The following PITPNC1 variants were observed in gnomAD, a reference collection of about 807,000 sequenced individuals.
PITPNC1 encodes cytoplasmic phosphatidylinositol transfer protein 1.
In PITPNC1, 18 loss-of-function variants were observed where a neutral mutation model predicts 44.7. The ratio of observed to expected loss-of-function variants is 0.40; its 90% CI spans 0.28 to 0.60. PITPNC1 has a LOEUF of 0.60. Among genes scored for constraint, PITPNC1 ranks in the 20% least tolerant of loss-of-function variants. The pLI is 0.39. For synonymous variants in PITPNC1, 141 were observed against 149.6 expected (o/e 0.94, Z 0.42); for missense variants, 290 against 418.4 (o/e 0.69, Z 2.68).
At chr17:67,529,373 G>A (rs1056314765) in intron 1 of PITPNC1, among the ~76,000 whole-genome samples, 2 of 152,206 alleles carry the variant, frequency 1.3e-5, no homozygotes, top group Non-Finnish European at 2.9e-5. Context: ...TAGCTCTTCT[G>A]CCAAGCCCCT....
intron 1 of PITPNC1, among the ~76,000 whole-genome samples, chr17:67,399,395 G>A (rs999873542): frequency 2.0e-5 from 3 of 152,080 alleles, no homozygotes; most frequent in Admixed American, 1.3e-4. Context: ...CAAGGCTCTC[G>A]TCTCCTTTGA....
chr17:67,655,554 ATC>A (rs2042254759), intron 6 of PITPNC1, among the ~76,000 whole-genome samples: 1 of 93,894 alleles, frequency 1.1e-5, no homozygotes. Flanking sequence ...AGAGAGACTC[ATC>A]TCAAAAAAAA....
At chr17:67,509,707 C>T (rs1409498434) in intron 1 of PITPNC1, among the ~76,000 whole-genome samples, 2 of 152,106 alleles carry the variant, frequency 1.3e-5, no homozygotes, top group African/African-American at 2.4e-5. Flanking sequence ...ATATCACATC[C>T]TTTCCATGTT....
At chr17:67,627,663 G>A (rs1202346867) in intron 5 of PITPNC1, among the ~76,000 whole-genome samples, 1 of 152,158 alleles carries the variant, frequency 6.6e-6, no homozygotes, top group Non-Finnish European at 1.5e-5. Context: ...CTTAGCGGTT[G>A]GATGCTAAGA....
intron 1 of PITPNC1, among the ~76,000 whole-genome samples, chr17:67,383,717 C>T (rs941310406): frequency 1.3e-5 from 2 of 152,190 alleles, no homozygotes; most frequent in African/African-American, 4.8e-5. Flanking sequence ...AGGCAGGAAT[C>T]CTTTTGTTTT....
chr17:67,425,280 GAAA>G (rs1323307135), intron 1 of PITPNC1, among the ~76,000 whole-genome samples: 2 of 145,872 alleles, frequency 1.4e-5, no homozygotes, highest in African/African-American at 2.5e-5. Context: ...GAGAGAGAGA[GAAA>G]TGACCTCTCT....
rs1491586865 is a variant in PITPNC1 at position 67,579,642 on chromosome 17, T to TTTC, written c.366+1385_366+1386insTTC. Among the ~76,000 whole-genome samples, 137 of 119,368 alleles carry TTTC rather than the reference T, an allele frequency of 1.1e-3. 2 individuals are homozygous for TTTC. Among genetic ancestry groups the TTTC allele is most frequent in the African/African-American group, 4.9e-3 (132 of 26,970 alleles). 78.3% of individuals were successfully genotyped at this position (119,368 alleles called of 152,430 possible). On this transcript the variant is annotated intron_variant, in intron 5 of 8. Coordinates refer to ENST00000581322, the MANE Select transcript of PITPNC1 (RefSeq NM_012417.4). ...TTTTTTTTTTTTTTTTTTTTTTTTT[T>TTTC]CTGATTAGAAAGCAGCCTGGGCGCG...
In PITPNC1 at chr17:67,560,613, T is replaced by C. The variant is rs577150778; in HGVS notation, c.294+6996T>C. On this transcript the variant is annotated intron_variant, in intron 4 of 8. Coordinates refer to ENST00000581322, the MANE Select transcript of PITPNC1 (RefSeq NM_012417.4). ...CTATTCACAGATGTACCGCTGCCCT[T>C]GTGTGGGACCAGAGCTCGCCTCTAC... 1.6e-4 allele frequency among the ~76,000 whole-genome samples: 24 copies of C among 152,310 alleles called. No individual in the cohort carries two copies. In the South Asian group the frequency reaches 4.8e-3, roughly 30 times the overall value.
chr17:67,550,847 G>A (rs959066602), intron 2 of PITPNC1, among the ~76,000 whole-genome samples: 8 of 152,182 alleles, frequency 5.3e-5, no homozygotes, highest in African/African-American at 1.9e-4. Context: ...GGATCATGAG[G>A]TCAGGAGATC....
At chr17:67,608,032 A>T (rs1047783689) in intron 5 of PITPNC1, among the ~76,000 whole-genome samples, 2 of 151,724 alleles carry the variant, frequency 1.3e-5, no homozygotes, top group Admixed American at 1.3e-4. Context: ...CCCCGGCCTG[A>T]CCCTTTACCC....
intron 1 of PITPNC1, among the ~76,000 whole-genome samples, chr17:67,381,189 C>T (rs889291844): frequency 3.3e-5 from 5 of 151,710 alleles, no homozygotes; most frequent in African/African-American, 1.2e-4. Context: ...TTAAGCAGGC[C>T]TGGTGGCGGG....
chr17:67,399,371 A>G (rs575698251), intron 1 of PITPNC1, among the ~76,000 whole-genome samples: 1 of 152,270 alleles, frequency 6.6e-6, no homozygotes, highest in South Asian at 2.1e-4. Flanking sequence ...ATGGCTGGGC[A>G]CTAGCTTCAT....
At chr17:67,393,967 A>G (rs2038176385) in intron 1 of PITPNC1, among the ~76,000 whole-genome samples, 1 of 152,084 alleles carries the variant, frequency 6.6e-6, no homozygotes, top group African/African-American at 2.4e-5. Flanking sequence ...CCTCGCGAGT[A>G]GCTGAAACTG....
chr17:67,401,566 C>T (rs1164837687), intron 1 of PITPNC1, among the ~76,000 whole-genome samples: 3 of 152,144 alleles, frequency 2.0e-5, no homozygotes, highest in Non-Finnish European at 4.4e-5. Context: ...ATAATGTTGG[C>T]TGGGTGCGGT....
chr17:67,436,830 T>C (rs939688713), intron 1 of PITPNC1, among the ~76,000 whole-genome samples: 4 of 151,008 alleles, frequency 2.6e-5, no homozygotes, highest in African/African-American at 9.7e-5. Flanking sequence ...TTGTCTTCTG[T>C]AGCAGGTTGA....
chr17:67,537,801 C>T (rs1363084846), intron 2 of PITPNC1, among the ~76,000 whole-genome samples: 3 of 104,446 alleles, frequency 2.9e-5, no homozygotes, highest in Non-Finnish European at 5.9e-5. Flanking sequence ...GGAACCCCGT[C>T]TCTACTAAAA....
intron 1 of PITPNC1, among the ~76,000 whole-genome samples, chr17:67,501,658 C>A (rs887127230): frequency 3.9e-5 from 6 of 152,062 alleles, no homozygotes; most frequent in Non-Finnish European, 7.4e-5. Flanking sequence ...ATGGTGAAAT[C>A]CTGTCTCTAC....
At chr17:67,607,493 T>C (rs746312217) in intron 5 of PITPNC1, among the ~76,000 whole-genome samples, 42 of 152,344 alleles carry the variant, frequency 2.8e-4, no homozygotes, top group Non-Finnish European at 5.3e-4. Context: ...TGCTGCTTGC[T>C]CCAAACCAGC....
intron 5 of PITPNC1, among the ~76,000 whole-genome samples, chr17:67,626,162 T>A (rs1598902937): frequency 6.6e-6 from 1 of 151,876 alleles, no homozygotes; most frequent in Non-Finnish European, 1.5e-5. Flanking sequence ...ATTTTTGTAA[T>A]TTTTATAGAG....
Sources: allele counts gnomAD v4.1 joint callset (sites outside exome capture counted in the v4.1 genomes callset), GRCh38; gene constraint gnomAD v4.1.1; transcripts MANE v1.5; gene names NCBI Gene and HGNC (gene_info 2026-07-23, HGNC 2026-07-21).